Variants in CLASP2 observed in about 807,000 individuals in gnomAD.
The protein encoded by CLASP2 is cytoplasmic linker associated protein 2.
A neutral mutation model predicts 194.4 loss-of-function variants in CLASP2; 47 were observed. That is an observed-to-expected ratio of 0.24 (90% CI 0.19 to 0.31). The LOEUF (loss-of-function observed/expected upper bound fraction) is 0.31. CLASP2 is among the 10% of genes least tolerant of loss of function. The probability of loss-of-function intolerance (pLI) is 1.00; values close to 1 mark genes in which losing one functional copy is unlikely to be tolerated. For synonymous variants in CLASP2, 619 were observed against 633.5 expected (o/e 0.98, Z 0.34); for missense variants, 1,445 against 1,823.6 (o/e 0.79, Z 3.78).
At chr3:33,512,904 C>T (rs934548970) in intron 36 of CLASP2, among the ~76,000 whole-genome samples, 4 of 151,978 alleles carry the variant, frequency 2.6e-5, no homozygotes, top group South Asian at 2.1e-4. Context: ...GCAGGAGAAT[C>T]GCTTGAACCC....
chr3:33,665,577 A>T (rs1277600080), intron 6 of CLASP2, among the ~76,000 whole-genome samples: 3 of 152,072 alleles, frequency 2.0e-5, no homozygotes, highest in Non-Finnish European at 4.4e-5. Flanking sequence ...CCTTCTAATG[A>T]TTCTCACTTT....
intron 37 of CLASP2, among the ~76,000 whole-genome samples, chr3:33,509,420 G>A (rs1000297339): frequency 2.6e-5 from 4 of 152,192 alleles, no homozygotes; most frequent in South Asian, 4.2e-4. Flanking sequence ...TCTCCATGTT[G>A]GTCAACCTGG....
chr3:33,608,436 G>C (rs1431270314), intron 14 of CLASP2, 131 bp downstream of exon 14: 1 of 729,780 alleles, frequency 1.4e-6, no homozygotes, highest in Non-Finnish European at 2.4e-6. Context: ...CACCACCACA[G>C]CTTTAAAGGA....
chr3:33,557,268 C>G (rs1220945853), intron 29 of CLASP2, among the ~76,000 whole-genome samples: 2 of 152,192 alleles, frequency 1.3e-5, no homozygotes, highest in Non-Finnish European at 2.9e-5. Context: ...GCCACGGTGC[C>G]CAGCCTCACC....
At chr3:33,509,899 A>G (rs541799032) in intron 37 of CLASP2, among the ~76,000 whole-genome samples, 1 of 152,358 alleles carries the variant, frequency 6.6e-6, no homozygotes, top group East Asian at 1.9e-4. Flanking sequence ...ACACCCAGAA[A>G]TTCTGTTTCT....
At chr3:33,499,456 T>G (rs1402808483) in intron 38 of CLASP2, among the ~76,000 whole-genome samples, 1 of 151,622 alleles carries the variant, frequency 6.6e-6, no homozygotes, top group Non-Finnish European at 1.5e-5. Flanking sequence ...TTCACACCAT[T>G]CTCCTGTCTC....
At chr3:33,673,823 A>G (rs1447836869) in intron 6 of CLASP2, among the ~76,000 whole-genome samples, 12 of 152,182 alleles carry the variant, frequency 7.9e-5, no homozygotes, top group Non-Finnish European at 1.8e-4. Flanking sequence ...CTTTAAACCA[A>G]CAAAGATCAA....
At chr3:33,542,671 A>T (rs1402664953) in intron 32 of CLASP2, among the ~76,000 whole-genome samples, 2 of 150,670 alleles carry the variant, frequency 1.3e-5, no homozygotes, top group Non-Finnish European at 3.0e-5. Flanking sequence ...ATTATATATG[A>T]TACATATATA....
chr3:33,659,072 T>TCGGCCTG, intron 7 of CLASP2: 1 of 1,524,268 alleles, frequency 6.6e-7, no homozygotes. Flanking sequence ...GCCACTGGGC[T>TCGGCCTG]CGGCCTGCAG....
At chr3:33,564,430 G>C (rs898493861) in intron 27 of CLASP2, among the ~76,000 whole-genome samples, 2 of 152,070 alleles carry the variant, frequency 1.3e-5, no homozygotes, top group African/African-American at 4.8e-5. Context: ...CATATCCAAA[G>C]CTTATGTTCT....
intron 8 of CLASP2, among the ~76,000 whole-genome samples, chr3:33,637,070 T>C (rs1339955880): frequency 6.6e-6 from 1 of 152,148 alleles, no homozygotes; most frequent in Non-Finnish European, 1.5e-5. Context: ...GAAGTGAATA[T>C]ATAGGTTAAT....
At chr3:33,519,511 TG>T (rs1343500482) in intron 34 of CLASP2, among the ~76,000 whole-genome samples, 1 of 151,974 alleles carries the variant, frequency 6.6e-6, no homozygotes, top group Non-Finnish European at 1.5e-5. Context: ...AGAAAGTGCA[TG>T]GGGGAGGAGA....
chr3:33,581,590 T>C (rs2066154910), intron 23 of CLASP2, among the ~76,000 whole-genome samples: 1 of 152,238 alleles, frequency 6.6e-6, no homozygotes. Flanking sequence ...TGACATTTAC[T>C]TGATTATGAA....
At position 33,709,761 on chromosome 3, in the gene CLASP2, TAGTA is replaced by T. The variant is rs150808319; in HGVS notation, c.195+8043_195+8046del. Among the ~76,000 whole-genome samples the T allele has an allele frequency of 4.0e-3, 616 of 152,338 alleles. 2 individuals carry two copies. The highest frequency in any genetic ancestry group is 0.013 in the African/African-American group (553 of 41,578). On this transcript the variant is annotated intron_variant, in intron 1 of 38. Transcript: ENST00000682230. Reference sequence around the variant, plus strand: ...AGAATAAATGTATAAGTGTATAAGCTAGTAAGTGTGTCATAATTTGTTAGCAGCA... The same window carrying T: ...AGAATAAATGTATAAGTGTATAAGCTAGTGTGTCATAATTTGTTAGCAGCA...
At chr3:33,563,308 A>T (rs2154181579) in intron 27 of CLASP2, among the ~76,000 whole-genome samples, 2 of 152,166 alleles carry the variant, frequency 1.3e-5, no homozygotes, top group South Asian at 4.2e-4. Flanking sequence ...GTTGCCAGGA[A>T]TTCTCCTTTT....
intron 9 of CLASP2, among the ~76,000 whole-genome samples, chr3:33,631,583 G>A (rs1165796024): frequency 6.6e-6 from 1 of 151,980 alleles, no homozygotes; most frequent in Non-Finnish European, 1.5e-5. Flanking sequence ...TGTAATCTCA[G>A]CTACTGAGGA....
intron 16 of CLASP2, among the ~76,000 whole-genome samples, chr3:33,606,307 G>T (rs1296635968): frequency 2.0e-5 from 3 of 152,004 alleles, no homozygotes; most frequent in African/African-American, 7.2e-5. Flanking sequence ...TGTAAGTACT[G>T]TTTTTGTGGT....
chr3:33,707,184 G>A (rs1260836111), intron 1 of CLASP2, among the ~76,000 whole-genome samples: 1 of 152,140 alleles, frequency 6.6e-6, no homozygotes, highest in Non-Finnish European at 1.5e-5. Context: ...AGACAGCAAA[G>A]AAGCAGTCAA....
chr3:33,569,541 T>A (rs1363709268), intron 26 of CLASP2, among the ~76,000 whole-genome samples: 4 of 152,216 alleles, frequency 2.6e-5, no homozygotes, highest in Non-Finnish European at 5.9e-5. Flanking sequence ...TATAGAAATT[T>A]TTACATTAAA....
Sources: gnomAD v4.1 joint callset for allele counts (sites outside exome capture counted in the v4.1 genomes callset) on GRCh38, gnomAD v4.1.1 for gene constraint, MANE v1.5 for transcripts, NCBI Gene and HGNC (gene_info 2026-07-23, HGNC 2026-07-21) for gene names.